Variants in LRPPRC observed in about 807,000 individuals in gnomAD.
LRPPRC encodes leucine rich pentatricopeptide repeat containing.
In LRPPRC, 120 loss-of-function variants were observed where a neutral mutation model predicts 180.3. The ratio of observed to expected loss-of-function variants is 0.67; its 90% CI spans 0.57 to 0.77. The LOEUF is 0.77. LRPPRC is among the 30% of genes least tolerant of loss of function. The pLI, the probability that LRPPRC is intolerant of heterozygous loss-of-function variation, is 0.00. For synonymous variants in LRPPRC, 723 were observed against 600.0 expected (o/e 1.21, Z -3.00); for missense variants, 2,012 against 1,657.2 (o/e 1.21, Z -3.72).
chr2:43,992,297 G>C (rs1335935523), intron 1 of LRPPRC, among the ~76,000 whole-genome samples: 1 of 152,116 alleles, frequency 6.6e-6, no homozygotes, highest in African/African-American at 2.4e-5. Flanking sequence ...CAGATCCACA[G>C]ACAAGCACTA....
intron 23 of LRPPRC, among the ~76,000 whole-genome samples, chr2:43,938,117 A>G (rs1221221282): frequency 6.6e-6 from 1 of 152,132 alleles, no homozygotes; most frequent in African/African-American, 2.4e-5. Context: ...CTCCTAATAA[A>G]AATTTAGTCA....
At chr2:43,973,536 A>T in intron 11 of LRPPRC, 71 bp downstream of exon 11, 1 of 932,640 alleles carries the variant, frequency 1.1e-6, no homozygotes, top group South Asian at 1.3e-5. Context: ...AAAGAATCCA[A>T]TTAGATGTGC....
At chr2:43,955,759 T>A (rs997595918) in intron 14 of LRPPRC, among the ~76,000 whole-genome samples, 1 of 152,074 alleles carries the variant, frequency 6.6e-6, no homozygotes, top group African/African-American at 2.4e-5. Context: ...CTCATTCTTG[T>A]GTGAACTACC....
At chr2:43,984,506 T>C (rs1336746212) in intron 1 of LRPPRC, among the ~76,000 whole-genome samples, 1 of 152,196 alleles carries the variant, frequency 6.6e-6, no homozygotes, top group African/African-American at 2.4e-5. Flanking sequence ...ATAAGTGTGC[T>C]TGGATTTAAT....
At chr2:43,980,870 T>G (rs1177787017) in intron 2 of LRPPRC, among the ~76,000 whole-genome samples, 5 of 152,176 alleles carry the variant, frequency 3.3e-5, no homozygotes, top group Non-Finnish European at 5.9e-5. Flanking sequence ...TAATTTCTTT[T>G]TGGGGTGATG....
intron 25 of LRPPRC, among the ~76,000 whole-genome samples, chr2:43,930,854 T>C (rs778105109): frequency 2.8e-4 from 42 of 152,290 alleles, no homozygotes; most frequent in Non-Finnish European, 1.6e-4. Flanking sequence ...CTAGAAATTA[T>C]GGTAAAAGAA....
intron 27 of LRPPRC, among the ~76,000 whole-genome samples, chr2:43,924,355 G>C (rs112302907): frequency 3.3e-5 from 5 of 152,136 alleles, no homozygotes; most frequent in Non-Finnish European, 7.4e-5. Context: ...AAGAGAGATC[G>C]AAAGTTTCAG....
chr2:43,993,710 G>C (rs544565504), intron 1 of LRPPRC, among the ~76,000 whole-genome samples: 1 of 149,536 alleles, frequency 6.7e-6, no homozygotes, highest in Non-Finnish European at 1.5e-5. Flanking sequence ...ACAAAGTCCT[G>C]CTCTCATATA....
rs886056062 is a variant in LRPPRC, at chr2:43,995,818, G to C, written c.130C>G (p.Arg44Gly). 1.8e-5 allele frequency: 26 copies of C among 1,408,564 alleles called. No individual in the cohort carries two copies. Among genetic ancestry groups the C allele is most frequent in the African/African-American group, 4.5e-5 (3 of 66,042 alleles). The allele number at this position is 1,408,564 out of a possible 1,614,324, so 87.3% of individuals were successfully genotyped here. A position where few individuals can be genotyped will look rare whatever the true frequency, so the allele number is the denominator to read the frequency against. Reference sequence around the variant, plus strand: ...ACTCACCCGGCCACGGGCCCGGCGCGAGCGGCGGGCAGATAGGAGGCGGCA... The same window carrying C: ...ACTCACCCGGCCACGGGCCCGGCGCCAGCGGCGGGCAGATAGGAGGCGGCA... ...LHAASYLPAA[R>G]AGPVAGGLLS... The change falls in exon 1 of 38, where the codon CGC becomes GGC. Residue 44 changes from arginine to glycine, a missense_variant. By Grantham distance (125) the Arg-to-Gly change is moderately radical (BLOSUM62 -2). Transcript: ENST00000260665.
intron 24 of LRPPRC, 72 bp from the exon 25 acceptor site, chr2:43,934,368 C>A (rs1356198902): frequency 5.6e-6 from 4 of 715,804 alleles, no homozygotes; most frequent in Non-Finnish European, 9.7e-6. Context: ...ATATGAAGTT[C>A]CAGACAAATA....
intron 1 of LRPPRC, among the ~76,000 whole-genome samples, chr2:43,987,887 T>C (rs932227527): frequency 2.0e-5 from 3 of 152,182 alleles, no homozygotes; most frequent in African/African-American, 4.8e-5. Context: ...AATATTCTTA[T>C]CTAGTAATAA....
chr2:43,950,171 GGTCTAAAGATTAAAGT>G (rs1444921656), intron 15 of LRPPRC, among the ~76,000 whole-genome samples: 4 of 151,676 alleles, frequency 2.6e-5, no homozygotes, highest in African/African-American at 9.7e-5. Context: ...AAACAAAAGG[GGTCTAAAGATTAAAGT>G]GTCTATTCTC....
At chr2:43,994,002 C>T (rs1674905098) in intron 1 of LRPPRC, among the ~76,000 whole-genome samples, 1 of 152,058 alleles carries the variant, frequency 6.6e-6, no homozygotes, top group African/African-American at 2.4e-5. Context: ...GTCTGATGAA[C>T]ACCGAGACCA....
chr2:43,964,540 G>C (rs1489189580), intron 11 of LRPPRC, among the ~76,000 whole-genome samples: 1 of 151,980 alleles, frequency 6.6e-6, no homozygotes, highest in African/African-American at 2.4e-5. Context: ...GCCTACTAGA[G>C]ACCTAAAGAT....
rs1221906652 is a variant in LRPPRC, at chr2:43,900,925, T to C, written c.3569+395A>G. On this transcript the variant is annotated intron_variant, in intron 32 of 37. Coordinates refer to ENST00000260665, the MANE Select transcript of LRPPRC (RefSeq NM_133259.4). ...TGGGTAAGGAATATGAATACGGAAA[T>C]GCACATTTTTAATAAGCTTGCGGGG... is the stretch of plus-strand genomic sequence containing the variant. Among the ~76,000 whole-genome samples, 5 of 152,084 alleles carry C rather than the reference T, an allele frequency of 3.3e-5. No homozygotes were observed. The East Asian group carries it at 5.8e-4, about 18-fold the overall frequency.
intron 27 of LRPPRC, among the ~76,000 whole-genome samples, chr2:43,921,614 A>G (rs1337016084): frequency 1.3e-5 from 2 of 152,194 alleles, no homozygotes; most frequent in Non-Finnish European, 2.9e-5. Context: ...CAGAGAAGAC[A>G]TGGAAAGGAT....
In LRPPRC at chr2:43,995,900, C is replaced by G; in HGVS notation, c.48G>C (p.Ala16=). The change falls in exon 1 of 38, where the codon GCG becomes GCC. Residue 16 remains alanine, a synonymous_variant. Transcript: ENST00000260665. ...RSARWLLRAG[A]APRLPLSLRL... The stretch of plus-strand genomic sequence containing the variant: ...GCAGGGAGAGCGGGAGGCGCGGGGC[C>G]GCCCCGGCACGCAGCAACCAACGCG... The G allele has an allele frequency of 6.6e-7, 1 of 1,512,136 alleles. No homozygotes were observed. The highest frequency in any genetic ancestry group is 2.1e-5 in the Admixed American group (1 of 48,612). The allele number at this position is 1,512,136 out of a possible 1,614,324, so 93.7% of individuals were successfully genotyped here.
chr2:43,985,171 T>C (rs923800409), intron 1 of LRPPRC, among the ~76,000 whole-genome samples: 1 of 152,140 alleles, frequency 6.6e-6, no homozygotes, highest in East Asian at 1.9e-4. Flanking sequence ...CACAATTTTT[T>C]GATAAGCAGA....
intron 11 of LRPPRC, among the ~76,000 whole-genome samples, chr2:43,971,490 A>AAAAAAAAAAG: frequency 6.8e-6 from 1 of 146,538 alleles, no homozygotes; most frequent in Non-Finnish European, 1.5e-5. Flanking sequence ...CACAGTAAAA[A>AAAAAAAAAAG]AAAAAAAAAA....
Sources: gnomAD v4.1 joint callset for allele counts (sites outside exome capture counted in the v4.1 genomes callset) on GRCh38, gnomAD v4.1.1 for gene constraint, MANE v1.5 for transcripts, NCBI Gene and HGNC (gene_info 2026-07-23, HGNC 2026-07-21) for gene names.